Variants in AK1 observed in about 807,000 individuals in gnomAD.
The protein encoded by AK1 is adenylate kinase isoenzyme 1.
AK1 carries 13 observed loss-of-function variants against 23.9 expected under a neutral mutation model. The observed-to-expected ratio is 0.54, with a 90% CI of 0.35 to 0.86. The LOEUF (loss-of-function observed/expected upper bound fraction) is 0.86, where lower values mean the gene tolerates loss of function less well. AK1 is among the 40% of genes least tolerant of loss of function. The pLI is 0.01. For missense variants in AK1, 214 were observed against 255.1 expected, an observed-to-expected ratio of 0.84 and a Z score of 1.10; for synonymous variants, 97 against 102.8, an observed-to-expected ratio of 0.94 and a Z score of 0.34.
chr9:127,874,207 C>T (rs1031174803), intron 2 of AK1: 1 of 985,330 alleles, frequency 1.0e-6, no homozygotes, highest in African/African-American at 1.7e-5. Context: ...CCCATAGGAA[C>T]TAGGAGGGTC....
rs1488418479 is a variant in AK1 at position 127,868,011 on chromosome 9, C to A, written c.582G>T (p.Lys194Asn). Residue 194 changes from lysine to asparagine, a missense_variant, in exon 7 of 7, where the codon AAG becomes AAT. Transcript: ENST00000644144. This position sits in a 1 kb window ranked among gnomAD's most constrained non-coding sequence, Gnocchi z 4.1. ...TGGGGAAGCGGCTCCAGCGTTGCTACTTTAGGGCGTCCAGGTGGGTGCAGA... is the reference window on the plus strand; with the variant it reads ...TGGGGAAGCGGCTCCAGCGTTGCTAATTTAGGGCGTCCAGGTGGGTGCAGA... ...SQVCTHLDAL[K>N] is the part of the protein sequence containing the mutation. The A allele has an allele frequency of 2.5e-6, 4 of 1,614,158 alleles. No individual in the cohort carries two copies. In the South Asian group the frequency reaches 4.4e-5, roughly 18 times the overall value.
Position 127,868,309 on chromosome 9 carries a change from C to T in AK1, c.516+12G>A, listed in dbSNP as rs773666232. 11 of 1,565,244 alleles carry T rather than the reference C, an allele frequency of 7.0e-6. No homozygotes were observed. Among genetic ancestry groups the T allele is most frequent in the Admixed American group, 1.9e-5 (1 of 52,518 alleles). On this transcript the variant is annotated intron_variant, in intron 6 of 6. Transcript: ENST00000644144. The surrounding 1 kb of genome is among the most constrained non-coding windows in gnomAD (Gnocchi z 4.1). ...TTCTTCCCGGAGCTGCCCCTGGGCC[C>T]GCGGGGCCCACCTTGCGCACAATGC...
chr9:127,876,467 C>G (rs1280018010), intron 1 of AK1, among the ~76,000 whole-genome samples: 1 of 152,184 alleles, frequency 6.6e-6, no homozygotes, highest in African/African-American at 2.4e-5. Flanking sequence ...GGCCTGGCAC[C>G]CAGTAGCAGC....
Position 127,877,616 on chromosome 9 carries a change from C to T in AK1, c.-33+7G>A, listed in dbSNP as rs1829572034. 6.6e-6 allele frequency: 1 copy of T among 152,306 alleles called. No individual in the cohort carries two copies. Among genetic ancestry groups the T allele is most frequent in the African/African-American group, 2.4e-5 (1 of 41,436 alleles). 9.4% of individuals were successfully genotyped at this position (152,306 alleles called of 1,614,324 possible). A position where few individuals can be genotyped will look rare whatever the true frequency, so the allele number is the denominator to read the frequency against. On this transcript the variant is annotated splice_region_variant and intron_variant, in intron 1 of 6. Transcript: ENST00000644144. The surrounding 1 kb of genome is among the most constrained non-coding windows in gnomAD (Gnocchi z 5.2). ...GCCCCCCCAGACACGCGCGGGCACG[C>T]ACTGACCTGGGGAGGGGTGCGGGTG...
intron 1 of AK1, among the ~76,000 whole-genome samples, chr9:127,876,845 A>G (rs896973386): frequency 6.6e-6 from 1 of 152,188 alleles, no homozygotes; most frequent in Non-Finnish European, 1.5e-5. Context: ...AGCGACTCCT[A>G]ATATGACTGG....
chr9:127,869,832 T>C (rs1429395711), intron 5 of AK1, among the ~76,000 whole-genome samples: 3 of 152,246 alleles, frequency 2.0e-5, no homozygotes, highest in Admixed American at 6.5e-5. Context: ...CTCTGGTTCA[T>C]CTGGGTCTCC....
chr9:127,872,046 CA>C, intron 4 of AK1, 107 bp from the exon 5 acceptor site: 1 of 949,536 alleles, frequency 1.1e-6, no homozygotes, highest in Non-Finnish European at 1.7e-6. Flanking sequence ...CTCCCCAACA[CA>C]AATGTCCCAA....
chr9:127,878,491 C>T (rs1261451447), upstream of AK1: 4 of 152,370 alleles, frequency 2.6e-5, no homozygotes, highest in African/African-American at 9.6e-5. Flanking sequence ...TGGTAGAAAG[C>T]CACGTGTTTA....
intron 2 of AK1, chr9:127,874,119 G>C (rs1829484046): frequency 1.0e-6 from 1 of 985,360 alleles, no homozygotes. Flanking sequence ...CCAGGAACTG[G>C]ACGGATGGTG....
At chr9:127,876,973 T>C (rs925498097) in intron 1 of AK1, among the ~76,000 whole-genome samples, 1 of 152,212 alleles carries the variant, frequency 6.6e-6, no homozygotes, top group Non-Finnish European at 1.5e-5. Context: ...CGTAGTCGGT[T>C]CCCAGTGGGT....
chr9:127,869,484 C>A (rs906392372), intron 5 of AK1: 4 of 152,298 alleles, frequency 2.6e-5, no homozygotes, highest in Admixed American at 6.5e-5. Context: ...TGGACAGAGG[C>A]GAGAAGCAGC....
intron 1 of AK1, among the ~76,000 whole-genome samples, chr9:127,875,839 C>T (rs1233515385): frequency 6.6e-6 from 1 of 152,200 alleles, no homozygotes; most frequent in Non-Finnish European, 1.5e-5. Flanking sequence ...CTCTCTCCGT[C>T]TGTCTCCTCA....
chr9:127,873,208 C>T (rs779955214), intron 2 of AK1, 147 bp from the exon 3 acceptor site: 50 of 1,538,944 alleles, frequency 3.2e-5, no homozygotes, highest in Non-Finnish European at 4.3e-5. Flanking sequence ...AAGTCACAGC[C>T]CAGAGTCAGC....
intron 5 of AK1, among the ~76,000 whole-genome samples, chr9:127,869,217 A>G (rs1829326789): frequency 6.6e-6 from 1 of 152,168 alleles, no homozygotes; most frequent in Admixed American, 6.5e-5. Flanking sequence ...GCCTCGCTCA[A>G]TCCAGCTACC....
chr9:127,874,686 C>T (rs1564474375), intron 1 of AK1, 37 bp from the exon 2 acceptor site: 17 of 1,602,114 alleles, frequency 1.1e-5, no homozygotes, highest in Non-Finnish European at 1.4e-5. Context: ...AGGGATTTTC[C>T]TCCTCACCCT....
rs1829417931 is a variant in AK1 at position 127,871,839 on chromosome 9, T to C, written c.308A>G (p.Glu103Gly). 2 of 1,614,028 alleles carry C rather than the reference T, an allele frequency of 1.2e-6. No homozygotes were observed. The highest frequency in any genetic ancestry group is 2.2e-5 in the South Asian group (2 of 91,078). ...GTGCCTTACCCGTCGCTCAAACTCTTCTCCTTGCTGCACCTCCCGCGGGTA... is the reference window on the plus strand; with the variant it reads ...GTGCCTTACCCGTCGCTCAAACTCTCCTCCTTGCTGCACCTCCCGCGGGTA... The part of the protein sequence containing the change: ...DGYPREVQQG[E>G]EFERRIGQPT... Residue 103 changes from glutamate (E) to glycine (G), a missense_variant, in exon 5 of 7, where the codon GAA becomes GGA. Physicochemically the swap from Glu to Gly is moderately conservative, Grantham distance 98. Transcript: ENST00000644144. This position sits in a 1 kb window ranked among gnomAD's most constrained non-coding sequence, Gnocchi z 4.4.
chr9:127,869,624 G>GT (rs1751729430), intron 5 of AK1: 1 of 152,354 alleles, frequency 6.6e-6, no homozygotes. Context: ...CTCCTCCGTA[G>GT]TTAAGGATTC....
At chr9:127,875,779 C>G (rs544726184) in intron 1 of AK1, among the ~76,000 whole-genome samples, 3 of 152,216 alleles carry the variant, frequency 2.0e-5, no homozygotes, top group Admixed American at 2.0e-4. Flanking sequence ...AGGCTCCTCT[C>G]TCCTCTCCAC....
At chr9:127,873,197 C>T in intron 2 of AK1, 136 bp from the exon 3 acceptor site, 1 of 1,540,342 alleles carries the variant, frequency 6.5e-7, no homozygotes, top group Non-Finnish European at 8.7e-7. Context: ...GGGAGGCAGA[C>T]AAGTCACAGC....
Sources: allele counts gnomAD v4.1 joint callset (sites outside exome capture counted in the v4.1 genomes callset), GRCh38; gene constraint gnomAD v4.1.1; non-coding constraint Gnocchi (gnomAD v3.1); transcripts MANE v1.5; gene names NCBI Gene and HGNC (gene_info 2026-07-23, HGNC 2026-07-21).